Variants in KLHL14 observed in about 807,000 individuals in gnomAD.
KLHL14 encodes kelch-like protein 14.
A neutral mutation model predicts 64.3 loss-of-function variants in KLHL14; 22 were observed. That is an observed-to-expected ratio of 0.34 (90% confidence interval 0.24 to 0.49). KLHL14 has a LOEUF of 0.49. Among genes scored for constraint, KLHL14 ranks in the 20% least tolerant of loss-of-function variants. The probability of loss-of-function intolerance (pLI) is 0.99; values close to 1 mark genes in which losing one functional copy is unlikely to be tolerated. For synonymous variants in KLHL14, 322 were observed against 333.4 expected (o/e 0.97, Z 0.37); for missense variants, 661 against 789.0 (o/e 0.84, Z 1.94).
intron 3 of KLHL14, among the ~76,000 whole-genome samples, chr18:32,708,085 A>G (rs1197069831): frequency 6.6e-6 from 1 of 152,176 alleles, no homozygotes; most frequent in East Asian, 1.9e-4. Context: ...GAAAAAAATC[A>G]AGTTATTTTT....
At chr18:32,761,900 A>G (rs1822307270) in intron 2 of KLHL14, among the ~76,000 whole-genome samples, 1 of 152,196 alleles carries the variant, frequency 6.6e-6, no homozygotes, top group Admixed American at 6.5e-5. Context: ...ATGGGCCTGC[A>G]TTTAGAAAGC....
Position 32,769,957 on chromosome 18 carries a change from T to G in KLHL14, c.635A>C (p.Asp212Ala). The G allele has an allele frequency of 6.2e-7, 1 of 1,614,144 alleles. No individual in the cohort carries two copies. The stretch of plus-strand genomic sequence containing the variant: ...CTCCTCGAAGTTGAGCAGCAGCACA[T>G]CCTCCACCAGGTACTTGTTGGCCAG... The part of the protein sequence containing the change: ...KKLANKYLVE[D>A]VLLLNFEEMR... Residue 212 changes from aspartate (D) to alanine (A), a missense_variant, in exon 2 of 9, where the codon GAT (aspartate) becomes GCT (alanine). Asp to Ala is a moderately radical substitution (Grantham distance 126). Transcript: ENST00000359358.
chr18:32,739,408 C>G (rs2050183591), intron 3 of KLHL14, among the ~76,000 whole-genome samples: 1 of 151,212 alleles, frequency 6.6e-6, no homozygotes, highest in Non-Finnish European at 1.5e-5. Flanking sequence ...AAAAACCAAG[C>G]AGAAATTATC....
At chr18:32,769,580 C>G in intron 2 of KLHL14, 65 bp downstream of exon 2, 1 of 403,324 alleles carries the variant, frequency 2.5e-6, no homozygotes, top group East Asian at 6.0e-5. Context: ...CCTGCCCCCT[C>G]CCCTCCCTCC....
Position 32,687,194 on chromosome 18 carries a change from C to T in KLHL14, c.1199G>A (p.Arg400Gln), listed in dbSNP as rs747697000. 3.6e-5 allele frequency: 58 copies of T among 1,613,796 alleles called. No homozygotes were observed. The Admixed American group carries it at 8.0e-4, about 22-fold the overall frequency. ...TGGAAGTTGAATCCAGCTATTAAAT[C>T]GAGGATCATATCGGCTGACAAAATT... Reference protein sequence around the residue: ...STNFVSRYDPRFNSWIQLPPM... With the variant: ...STNFVSRYDPQFNSWIQLPPM... Residue 400 changes from arginine (R) to glutamine (Q), a missense_variant, in exon 5 of 9, where the codon CGA becomes CAA. Arg to Gln is a conservative substitution (Grantham distance 43, BLOSUM62 1). This residue lies in a region of KLHL14 where 330 missense variants were observed against 450.0 expected (regional missense o/e 0.73). Transcript: ENST00000359358.
At position 32,769,987 on chromosome 18, in the gene KLHL14, T is replaced by C. The variant is rs1164350415; in HGVS notation, c.605A>G (p.Lys202Arg). The stretch of plus-strand genomic sequence containing the variant: ...CACCAGGTACTTGTTGGCCAGCTTC[T>C]TGGTCTCCTCCAGGCCGTGCAGCGC... ...IAALHGLEET[K>R]KLANKYLVED... Residue 202 changes from lysine (K) to arginine (R), a missense_variant, in exon 2 of 9, where the codon AAG becomes AGG. Coordinates refer to ENST00000359358, the MANE Select transcript of KLHL14 (RefSeq NM_020805.3). 4 of 1,614,212 alleles carry C rather than the reference T, an allele frequency of 2.5e-6. No individual in the cohort carries two copies. The Admixed American group carries it at 5.0e-5, about 20-fold the overall frequency.
intron 4 of KLHL14, among the ~76,000 whole-genome samples, chr18:32,689,505 G>A (rs868496309): frequency 3.9e-5 from 6 of 152,208 alleles, no homozygotes; most frequent in African/African-American, 1.2e-4. Context: ...GTGAACCGGA[G>A]GGGATGAAAG....
chr18:32,727,496 A>AT (rs1229307497), intron 3 of KLHL14, among the ~76,000 whole-genome samples: 1 of 152,252 alleles, frequency 6.6e-6, no homozygotes, highest in Non-Finnish European at 1.5e-5. Context: ...GACAAAAACA[A>AT]TATAGCATAT....
chr18:32,710,201 T>A (rs918599884), intron 3 of KLHL14, among the ~76,000 whole-genome samples: 3 of 152,234 alleles, frequency 2.0e-5, no homozygotes, highest in Admixed American at 2.0e-4. Context: ...CGTTGTCCCC[T>A]TTCTCTAGTT....
intron 3 of KLHL14, among the ~76,000 whole-genome samples, chr18:32,731,089 A>C (rs1362445877): frequency 1.3e-5 from 2 of 152,210 alleles, no homozygotes; most frequent in Non-Finnish European, 2.9e-5. Flanking sequence ...ACTGTAGAGT[A>C]ATCATACACT....
At chr18:32,745,429 T>C (rs556549830) in intron 2 of KLHL14, 6 of 152,318 alleles carry the variant, frequency 3.9e-5, no homozygotes, top group Middle Eastern at 3.4e-3. Flanking sequence ...ATTTTCTCCA[T>C]TGACTCTCAA....
chr18:32,740,440 A>G (rs745761629), intron 3 of KLHL14, among the ~76,000 whole-genome samples: 4 of 152,196 alleles, frequency 2.6e-5, no homozygotes, highest in Non-Finnish European at 5.9e-5. Context: ...TTTATGAATG[A>G]ATATCATTTA....
At chr18:32,714,150 A>T (rs997470656) in intron 3 of KLHL14, among the ~76,000 whole-genome samples, 1 of 152,180 alleles carries the variant, frequency 6.6e-6, no homozygotes, top group African/African-American at 2.4e-5. Context: ...TGCAATTTAC[A>T]AATGCAATTT....
chr18:32,744,099 G>A (rs1167366065), intron 2 of KLHL14: 3 of 152,176 alleles, frequency 2.0e-5, no homozygotes, highest in Non-Finnish European at 4.4e-5. Flanking sequence ...ACAGAGGAAA[G>A]AACTCATGGA....
At chr18:32,724,602 C>T (rs534727710) in intron 3 of KLHL14, among the ~76,000 whole-genome samples, 1 of 152,242 alleles carries the variant, frequency 6.6e-6, no homozygotes, top group South Asian at 2.1e-4. Context: ...ATGCTATTGA[C>T]CTCACATTGT....
intron 2 of KLHL14, among the ~76,000 whole-genome samples, chr18:32,751,094 G>A (rs996315846): frequency 2.6e-4 from 40 of 152,264 alleles, no homozygotes; most frequent in Non-Finnish European, 5.1e-4. Flanking sequence ...TGCTCAGATC[G>A]TGGGGAGGAA....
At chr18:32,767,488 G>C (rs1043684274) in intron 2 of KLHL14, among the ~76,000 whole-genome samples, 1 of 152,156 alleles carries the variant, frequency 6.6e-6, no homozygotes, top group East Asian at 1.9e-4. Context: ...TCCTACTGCA[G>C]AAGTATCAGA....
intron 2 of KLHL14, 78 bp downstream of exon 2, chr18:32,769,567 C>A: frequency 1.3e-6 from 1 of 751,452 alleles, no homozygotes; most frequent in Non-Finnish European, 1.9e-6. Context: ...CTCTTCCCTC[C>A]TCCCTGCCCC....
chr18:32,753,341 G>T lies in KLHL14; in HGVS notation c.948-11292C>A, dbSNP rs540140948. Among the ~76,000 whole-genome samples the T allele has an allele frequency of 7.2e-5, 11 of 152,220 alleles. No homozygotes were observed. In the East Asian group the frequency reaches 2.1e-3, roughly 29 times the overall value. ...TGACCATGTGAAGATCAACAACTTT[G>T]TTGGCTGTTGCTTTACACATTGCAA... On this transcript the variant is annotated intron_variant, in intron 2 of 8. Coordinates refer to ENST00000359358, the MANE Select transcript of KLHL14 (RefSeq NM_020805.3).
Sources: allele counts gnomAD v4.1 joint callset (sites outside exome capture counted in the v4.1 genomes callset), GRCh38; gene constraint gnomAD v4.1.1; regional missense constraint gnomAD v4.1.1; transcripts MANE v1.5; gene names NCBI Gene and HGNC (gene_info 2026-07-23, HGNC 2026-07-21).